The following SBF2 variants were observed in gnomAD, a reference collection of about 807,000 sequenced individuals.
SBF2 encodes myotubularin-related protein 13.
A neutral mutation model predicts 225.2 loss-of-function variants in SBF2; 112 were observed. The observed-to-expected ratio is 0.50, with a 90% CI of 0.43 to 0.58. The LOEUF is 0.58. SBF2 is among the 20% of genes least tolerant of loss of function. The probability of loss-of-function intolerance (pLI) is 0.00; values close to 1 mark genes in which losing one functional copy is unlikely to be tolerated. For missense variants in SBF2, 1,996 were observed against 2,206.2 expected (o/e 0.90, Z 1.91); for synonymous variants, 763 against 773.3 (o/e 0.99, Z 0.22).
intron 33 of SBF2, chr11:9,790,904 G>C (rs918787869): frequency 1.9e-5 from 8 of 431,502 alleles, no homozygotes. Flanking sequence ...ATCTGATAAA[G>C]TTTGCCTAAG....
At chr11:10,056,317 T>C (rs377199221) in intron 2 of SBF2, among the ~76,000 whole-genome samples, 18 of 152,344 alleles carry the variant, frequency 1.2e-4, no homozygotes, top group African/African-American at 3.6e-4. Context: ...ATTGAATCTG[T>C]ACATTGCTTT....
intron 2 of SBF2, among the ~76,000 whole-genome samples, chr11:10,108,362 T>C (rs1285796790): frequency 6.6e-6 from 1 of 151,884 alleles, no homozygotes; most frequent in Non-Finnish European, 1.5e-5. Flanking sequence ...ACTGGTGGAG[T>C]GAGTCAATGG....
chr11:10,248,697 T>G (rs1162626264), intron 1 of SBF2, among the ~76,000 whole-genome samples: 1 of 152,244 alleles, frequency 6.6e-6, no homozygotes, highest in Non-Finnish European at 1.5e-5. Context: ...GTCATGGGAA[T>G]GTGAATTTTT....
chr11:9,965,657 T>C (rs1866859359), intron 14 of SBF2, among the ~76,000 whole-genome samples: 1 of 152,216 alleles, frequency 6.6e-6, no homozygotes, highest in African/African-American at 2.4e-5. Context: ...AAGATCTTTG[T>C]ACTCATCACC....
chr11:9,910,890 C>CAAAAA lies in SBF2; in HGVS notation c.1861-14884_1861-14880dup, dbSNP rs68011518. ...GTGAAAACTTGTCTCTACTAAAATA[C>CAAAAA]AAAAAAAAAAAAAAAAAAATTAGCT... On this transcript the variant is annotated intron_variant, in intron 16 of 39. Coordinates refer to ENST00000256190, the MANE Select transcript of SBF2 (RefSeq NM_030962.4). 9.7e-4 allele frequency among the ~76,000 whole-genome samples: 91 copies of CAAAAA among 93,576 alleles called. 1 individual carries two copies. Among genetic ancestry groups the CAAAAA allele is most frequent in the Middle Eastern group, 7.7e-3 (1 of 130 alleles). 61.4% of individuals were successfully genotyped at this position (93,576 alleles called of 152,430 possible).
chr11:10,130,495 CTT>C (rs912819740), intron 2 of SBF2, among the ~76,000 whole-genome samples: 7 of 152,126 alleles, frequency 4.6e-5, no homozygotes, highest in Admixed American at 3.3e-4. Flanking sequence ...CCCCTGTACT[CTT>C]TACTCAGTTC....
At chr11:10,259,196 T>G (rs986101201) in intron 1 of SBF2, among the ~76,000 whole-genome samples, 1 of 152,184 alleles carries the variant, frequency 6.6e-6, no homozygotes, top group African/African-American at 2.4e-5. Context: ...AAGTCAGGTG[T>G]TAAGAGCACA....
At chr11:9,934,909 C>T (rs1021413532) in intron 16 of SBF2, among the ~76,000 whole-genome samples, 3 of 152,166 alleles carry the variant, frequency 2.0e-5, no homozygotes, top group Non-Finnish European at 4.4e-5. Flanking sequence ...ACAAGGATGC[C>T]CTTTCTCACA....
In SBF2 at chr11:10,090,764, C is replaced by CAAAAAAAAAAAAAAAA. The variant is rs201577494; in HGVS notation, c.142-47799_142-47784dup. Among the ~76,000 whole-genome samples, 29 of 44,398 alleles carry CAAAAAAAAAAAAAAAA rather than the reference C, an allele frequency of 6.5e-4. 1 individual carries two copies. The highest frequency in any genetic ancestry group is 8.2e-4 in the South Asian group (1 of 1,222). 29.1% of individuals were successfully genotyped at this position (44,398 alleles called of 152,430 possible). ...TGGGAGTCAGAGCAAGATTCCATCTCAAAAAAAAAAAAAAAAAAAAAGCTA... is the reference window on the plus strand; with the variant it reads ...TGGGAGTCAGAGCAAGATTCCATCTCAAAAAAAAAAAAAAAAAAAAAAAAAAAAAAAAAAAAAGCTA... On this transcript the variant is annotated intron_variant, in intron 2 of 39. Coordinates refer to ENST00000256190, the MANE Select transcript of SBF2 (RefSeq NM_030962.4).
chr11:9,830,140 C>T (rs1855300275), intron 27 of SBF2, among the ~76,000 whole-genome samples: 1 of 152,174 alleles, frequency 6.6e-6, no homozygotes, highest in South Asian at 2.1e-4. Context: ...GGTTGATGGG[C>T]ATATAAGCCT....
At chr11:10,196,979 TCTCA>T (rs1376659266) in intron 1 of SBF2, among the ~76,000 whole-genome samples, 7 of 151,468 alleles carry the variant, frequency 4.6e-5, no homozygotes, top group Non-Finnish European at 7.4e-5. Flanking sequence ...TTTTCTAGTT[TCTCA>T]CTATTATAAA....
intron 1 of SBF2, among the ~76,000 whole-genome samples, chr11:10,301,952 C>T (rs528738298): frequency 6.6e-6 from 1 of 152,040 alleles, no homozygotes; most frequent in Non-Finnish European, 1.5e-5. Flanking sequence ...TTCTGGAGCA[C>T]ACAAAAAAAG....
chr11:10,107,885 A>AG (rs1590971263), intron 2 of SBF2, among the ~76,000 whole-genome samples: 2 of 152,130 alleles, frequency 1.3e-5, no homozygotes, highest in East Asian at 3.9e-4. Context: ...TGGGGTGGGG[A>AG]CACCATTCAA....
intron 2 of SBF2, among the ~76,000 whole-genome samples, chr11:10,073,364 C>A (rs1419087804): frequency 6.6e-6 from 1 of 151,822 alleles, no homozygotes; most frequent in African/African-American, 2.4e-5. Context: ...TAAGGAAGAG[C>A]AATTTCCTTA....
At chr11:10,090,610 C>A (rs1951740665) in intron 2 of SBF2, among the ~76,000 whole-genome samples, 1 of 151,784 alleles carries the variant, frequency 6.6e-6, no homozygotes, top group African/African-American at 2.4e-5. Flanking sequence ...ACCAAAAATA[C>A]AAAAATTAGC....
chr11:9,903,283 C>G (rs566192056), intron 16 of SBF2, among the ~76,000 whole-genome samples: 109 of 151,924 alleles, frequency 7.2e-4, no homozygotes, highest in African/African-American at 2.5e-3. Context: ...GATCGTGCCA[C>G]TGCACACCAG....
chr11:9,903,740 CAT>C (rs775939024), intron 16 of SBF2, among the ~76,000 whole-genome samples: 9 of 152,214 alleles, frequency 5.9e-5, no homozygotes, highest in Non-Finnish European at 1.0e-4. Flanking sequence ...CTGGGCTACT[CAT>C]AAGTGCAGTG....
intron 2 of SBF2, among the ~76,000 whole-genome samples, chr11:10,177,408 G>T (rs1298834685): frequency 1.3e-5 from 2 of 148,652 alleles, no homozygotes; most frequent in African/African-American, 2.5e-5. Flanking sequence ...AATTGTCCCT[G>T]TTTGCAGACG....
At chr11:9,964,004 A>G (rs1265076002) in intron 14 of SBF2, 122 bp from the exon 15 acceptor site, 3 of 654,224 alleles carry the variant, frequency 4.6e-6, no homozygotes, top group Non-Finnish European at 5.4e-6. Context: ...TAATCCCAGC[A>G]ATTTGGGAGG....
Sources: allele counts gnomAD v4.1 joint callset (sites outside exome capture counted in the v4.1 genomes callset), GRCh38; gene constraint gnomAD v4.1.1; transcripts MANE v1.5; gene names NCBI Gene and HGNC (gene_info 2026-07-23, HGNC 2026-07-21).